The following WDR27 variants were observed in gnomAD, a reference collection of about 807,000 sequenced individuals.
WDR27 encodes WD repeat-containing protein 27.
In WDR27, 100 loss-of-function variants were observed where a neutral mutation model predicts 114.4. The observed-to-expected ratio is 0.87, with a 90% CI of 0.74 to 1.03. The LOEUF (loss-of-function observed/expected upper bound fraction) is 1.03. WDR27 is among the 50% of genes least tolerant of loss of function. The pLI, the probability that WDR27 is intolerant of heterozygous loss-of-function variation, is 0.00. For synonymous variants in WDR27, 449 were observed against 423.1 expected (o/e 1.06, Z -0.75); for missense variants, 1,129 against 1,092.9 (o/e 1.03, Z -0.47).
intron 22 of WDR27, among the ~76,000 whole-genome samples, chr6:169,603,232 T>C (rs1196766845): frequency 6.6e-6 from 1 of 151,906 alleles, no homozygotes; most frequent in Non-Finnish European, 1.5e-5. Flanking sequence ...GATAATTCTG[T>C]CTAGAAAAAT....
chr6:169,642,000 T>C (rs572211280), intron 17 of WDR27, among the ~76,000 whole-genome samples: 1 of 152,292 alleles, frequency 6.6e-6, no homozygotes, highest in Non-Finnish European at 1.5e-5. Context: ...AATTCTGAAA[T>C]CTAAAGCAGA....
At chr6:169,504,068 T>C (rs1179073360) in intron 25 of WDR27, among the ~76,000 whole-genome samples, 1 of 151,844 alleles carries the variant, frequency 6.6e-6, no homozygotes, top group African/African-American at 2.4e-5. Context: ...CATTAATGAG[T>C]GGATAGATAA....
intron 25 of WDR27, among the ~76,000 whole-genome samples, chr6:169,548,787 C>G (rs1014059370): frequency 2.6e-5 from 4 of 152,114 alleles, no homozygotes; most frequent in Non-Finnish European, 5.9e-5. Context: ...GGAGCAAAGA[C>G]AATACAATGA....
chr6:169,656,615 G>A (rs1462823828), intron 13 of WDR27, among the ~76,000 whole-genome samples: 1 of 152,072 alleles, frequency 6.6e-6, no homozygotes, highest in Admixed American at 6.6e-5. Flanking sequence ...GAGGCCTGGA[G>A]GGCCCAGGAG....
chr6:169,666,569 TCACAGACCG>T, intron 6 of WDR27: 1 of 985,488 alleles, frequency 1.0e-6, no homozygotes, highest in Non-Finnish European at 1.2e-6. Context: ...TGCTGGGGCG[TCACAGACCG>T]CTCCTTATGC....
At chr6:169,666,436 C>T (rs1827846031) in intron 6 of WDR27, 4 of 985,330 alleles carry the variant, frequency 4.1e-6, no homozygotes, top group Non-Finnish European at 4.8e-6. Context: ...GAACGCTCTC[C>T]TTTTAATTCC....
chr6:169,610,101 A>C (rs1014281655), intron 22 of WDR27, among the ~76,000 whole-genome samples: 1 of 152,216 alleles, frequency 6.6e-6, no homozygotes, highest in African/African-American at 2.4e-5. Context: ...TATCACTATC[A>C]GCATTTTGGG....
Position 169,672,317 on chromosome 6 carries a change from G to A in WDR27, c.269C>T (p.Ser90Leu). ...CATTATAACATAATCCAGTGATGCT[G>A]AGCAGATTAGAAGTGGGTTCACTTT... Reference protein sequence around the residue: ...GNKVNPLLICSASLDYVIMWN... With the variant: ...GNKVNPLLICLASLDYVIMWN... The change falls in exon 3 of 26, where the codon TCA becomes TTA. Residue 90 changes from serine to leucine, a missense_variant. Coordinates refer to ENST00000448612, the MANE Select transcript of WDR27 (RefSeq NM_182552.5). 1 of 1,613,644 alleles carries A rather than the reference G, an allele frequency of 6.2e-7. No homozygotes were observed.
intron 17 of WDR27, among the ~76,000 whole-genome samples, chr6:169,642,013 C>T (rs1819312409): frequency 6.6e-6 from 1 of 152,224 alleles, no homozygotes; most frequent in African/African-American, 2.4e-5. Context: ...AAAGCAGAAA[C>T]ACATAACTCC....
At chr6:169,428,115 G>A in the WDR27 span, among the ~76,000 whole-genome samples, 1 of 152,178 alleles carries the variant, frequency 6.6e-6, no homozygotes, top group Non-Finnish European at 1.5e-5. Context: ...TCAGGGGAGG[G>A]GAGCCATTCA....
At chr6:169,526,961 C>T (rs1423411156) in intron 25 of WDR27, among the ~76,000 whole-genome samples, 1 of 152,138 alleles carries the variant, frequency 6.6e-6, no homozygotes, top group Admixed American at 6.5e-5. Context: ...GGTACCACTC[C>T]GCATGAATAG....
rs768359504 is a variant in WDR27 at position 169,636,503 on chromosome 6, C to T, written c.1871G>A (p.Gly624Asp). 21 of 1,599,248 alleles carry T rather than the reference C, an allele frequency of 1.3e-5. No individual in the cohort carries two copies. The highest frequency in any genetic ancestry group is 1.7e-5 in the Non-Finnish European group (20 of 1,173,550). The change falls in exon 19 of 26, where the codon GGC becomes GAC. Residue 624 changes from glycine to aspartate, a missense_variant and splice_region_variant. Physicochemically the swap from Gly to Asp is moderately conservative, Grantham distance 94 (BLOSUM62 -1). Coordinates refer to ENST00000448612, the MANE Select transcript of WDR27 (RefSeq NM_182552.5). Reference sequence around the variant, plus strand: ...TATAGGTTTAGAAAACATGTCTTTGCCCTGTAATGCAAATCAGTAATTACT... The same window carrying T: ...TATAGGTTTAGAAAACATGTCTTTGTCCTGTAATGCAAATCAGTAATTACT... Reference protein sequence around the residue: ...ARGAELALLLGKDMFSKPIQS... With the variant: ...ARGAELALLLDKDMFSKPIQS...
At chr6:169,523,406 T>A (rs751924225) in intron 25 of WDR27, among the ~76,000 whole-genome samples, 120 of 152,098 alleles carry the variant, frequency 7.9e-4, no homozygotes, top group Non-Finnish European at 5.7e-4. Context: ...TTAAATAAAA[T>A]TGAAGAGGAG....
At chr6:169,652,651 G>C (rs1011631875) in intron 13 of WDR27, among the ~76,000 whole-genome samples, 2 of 152,160 alleles carry the variant, frequency 1.3e-5, no homozygotes, top group African/African-American at 4.8e-5. Context: ...GGCAAATTTG[G>C]GGATTATAGC....
At chr6:169,603,854 T>C (rs374291868) in intron 22 of WDR27, among the ~76,000 whole-genome samples, 9 of 152,354 alleles carry the variant, frequency 5.9e-5, no homozygotes, top group African/African-American at 2.2e-4. Flanking sequence ...CATTAATAAG[T>C]GCTCTAGAAG....
chr6:169,478,769 A>T (rs1476140289), intron 25 of WDR27, among the ~76,000 whole-genome samples: 1 of 152,198 alleles, frequency 6.6e-6, no homozygotes, highest in Non-Finnish European at 1.5e-5. Flanking sequence ...ACACATCAAA[A>T]ACCATCTGAT....
intron 25 of WDR27, among the ~76,000 whole-genome samples, chr6:169,490,233 C>T (rs1789566703): frequency 6.6e-6 from 1 of 152,242 alleles, no homozygotes; most frequent in South Asian, 2.1e-4. Flanking sequence ...GGTTTAACCT[C>T]TGTGCTGAGC....
In WDR27 at chr6:169,684,858, A is replaced by C. The variant is rs1024544974; in HGVS notation, c.189+3959T>G. Among the ~76,000 whole-genome samples, 3 of 152,200 alleles carry C rather than the reference A, an allele frequency of 2.0e-5. No individual in the cohort carries two copies. Among genetic ancestry groups the C allele is most frequent in the Admixed American group, 6.5e-5 (1 of 15,286 alleles). ...GATATGTCCCCACGCTGGCCAAGCA[A>C]CCATGTGCCCATGCTCCTGGCCACA... On this transcript the variant is annotated intron_variant, in intron 2 of 25. Transcript: ENST00000448612. The surrounding 1 kb of genome is among the most constrained non-coding windows in gnomAD (Gnocchi z 4.3).
At position 169,526,028 on chromosome 6, in the gene WDR27, A is replaced by G. The variant is rs572940721; in HGVS notation, c.2645+46391T>C. Among the ~76,000 whole-genome samples, 9 of 152,318 alleles carry G rather than the reference A, an allele frequency of 5.9e-5. No homozygotes were observed. The South Asian group carries it at 1.9e-3, about 32-fold the overall frequency. ...CCCCTCATATGTGGAGGACAGAAAA[A>G]AAGTGGATCTCATGAAGATAGATAG... On this transcript the variant is annotated intron_variant, in intron 25 of 25. Coordinates refer to ENST00000448612, the MANE Select transcript of WDR27 (RefSeq NM_182552.5).
Sources: gnomAD v4.1 joint callset for allele counts (sites outside exome capture counted in the v4.1 genomes callset) on GRCh38, gnomAD v4.1.1 for gene constraint, Gnocchi (gnomAD v3.1) non-coding constraint, MANE v1.5 for transcripts, NCBI Gene and HGNC (gene_info 2026-07-23, HGNC 2026-07-21) for gene names.